Variants in PIGU observed in about 807,000 individuals in gnomAD.
The protein encoded by PIGU is GPI-anchor transamidase component PIGU.
Under a neutral mutation model 49.9 loss-of-function variants are expected in PIGU, and 24 were observed. The observed-to-expected ratio is 0.48, with a 90% CI of 0.35 to 0.68. PIGU has a LOEUF of 0.68. Among genes scored for constraint, PIGU ranks in the 30% least tolerant of loss-of-function variants. PIGU has a pLI of 0.01. For missense variants in PIGU, 490 were observed against 532.6 expected (o/e 0.92, Z 0.79); for synonymous variants, 220 against 205.7 (o/e 1.07, Z -0.59).
intron 6 of PIGU, among the ~76,000 whole-genome samples, chr20:34,634,108 G>A (rs987548734): frequency 1.9e-4 from 29 of 152,082 alleles, no homozygotes; most frequent in African/African-American, 6.8e-4. Flanking sequence ...GTCTTACTCT[G>A]TCACCCAGGC....
chr20:34,600,416 G>C lies in PIGU; in HGVS notation c.628-11809C>G, dbSNP rs911299355. Among the ~76,000 whole-genome samples the C allele has an allele frequency of 3.3e-5, 5 of 151,112 alleles. No homozygotes were observed. In the East Asian group the frequency reaches 9.8e-4, roughly 29 times the overall value. On this transcript the variant is annotated intron_variant, in intron 7 of 11. Coordinates refer to ENST00000217446, the MANE Select transcript of PIGU (RefSeq NM_080476.5). ...AGAAAAAAGAGAAGAGAAGAGAAGAGAGAAAAGAAAAGAAAAAAGAGAAAA... is the reference window on the plus strand; with the variant it reads ...AGAAAAAAGAGAAGAGAAGAGAAGACAGAAAAGAAAAGAAAAAAGAGAAAA...
At position 34,631,721 on chromosome 20, in the gene PIGU, CCA is replaced by C. The variant is rs1568649122; in HGVS notation, c.529+2892_529+2893del. On this transcript the variant is annotated intron_variant, in intron 6 of 11. Transcript: ENST00000217446. ...GGTGCCAGCCACCATGTCCGGCTAA[CCA>C]TATATATATATATATATATATATAT... Among the ~76,000 whole-genome samples the C allele has an allele frequency of 3.1e-3, 141 of 46,146 alleles. 7 individuals carry two copies. The highest frequency in any genetic ancestry group is 8.0e-3 in the African/African-American group (132 of 16,468). 30.3% of individuals were successfully genotyped at this position (46,146 alleles called of 152,430 possible). A position where few individuals can be genotyped will look rare whatever the true frequency, so the allele number is the denominator to read the frequency against.
At chr20:34,591,619 A>C (rs1026470888) in intron 7 of PIGU, among the ~76,000 whole-genome samples, 4 of 152,226 alleles carry the variant, frequency 2.6e-5, no homozygotes, top group Non-Finnish European at 5.9e-5. Flanking sequence ...ATAACGTAAA[A>C]TAAATTAGAA....
At chr20:34,619,807 C>T (rs1600634286) in intron 6 of PIGU, among the ~76,000 whole-genome samples, 1 of 152,208 alleles carries the variant, frequency 6.6e-6, no homozygotes, top group Admixed American at 6.5e-5. Context: ...AGCAGTCTTC[C>T]TTCCATAGAC....
chr20:34,592,414 G>T (rs955273481), intron 7 of PIGU, among the ~76,000 whole-genome samples: 1 of 146,498 alleles, frequency 6.8e-6, no homozygotes, highest in Non-Finnish European at 1.5e-5. Context: ...TGTTATTGAT[G>T]GCTTTCTAAT....
intron 6 of PIGU, among the ~76,000 whole-genome samples, chr20:34,633,775 T>A (rs1470692718): frequency 6.6e-6 from 1 of 152,070 alleles, no homozygotes; most frequent in East Asian, 1.9e-4. Context: ...TTCACCATGT[T>A]GGCAAGACTG....
intron 7 of PIGU, among the ~76,000 whole-genome samples, chr20:34,596,167 A>G (rs528073583): frequency 6.6e-6 from 1 of 152,346 alleles, no homozygotes; most frequent in African/African-American, 2.4e-5. Flanking sequence ...CACTGAGGAC[A>G]CAATATGCAT....
chr20:34,579,755 C>T (rs1983384264), intron 10 of PIGU, among the ~76,000 whole-genome samples: 1 of 152,132 alleles, frequency 6.6e-6, no homozygotes, highest in South Asian at 2.1e-4. Context: ...TTCTGGAAAC[C>T]CCATCCTTCT....
chr20:34,567,946 C>G (rs188702846), intron 11 of PIGU, among the ~76,000 whole-genome samples: 1 of 152,128 alleles, frequency 6.6e-6, no homozygotes, highest in Non-Finnish European at 1.5e-5. Flanking sequence ...CCTTAACAGC[C>G]CAGCTCTGGG....
intron 1 of PIGU, among the ~76,000 whole-genome samples, chr20:34,668,815 A>G (rs1987204910): frequency 6.6e-6 from 1 of 150,644 alleles, no homozygotes; most frequent in Admixed American, 6.6e-5. Flanking sequence ...AAAATGCAAT[A>G]TGGAATATTA....
intron 7 of PIGU, among the ~76,000 whole-genome samples, chr20:34,614,105 G>A (rs929434292): frequency 2.0e-5 from 3 of 152,124 alleles, no homozygotes; most frequent in Non-Finnish European, 4.4e-5. Flanking sequence ...AGAGCAGCCT[G>A]AGCAACATGG....
At chr20:34,633,787 T>C (rs1406698838) in intron 6 of PIGU, among the ~76,000 whole-genome samples, 1 of 152,034 alleles carries the variant, frequency 6.6e-6, no homozygotes, top group Admixed American at 6.6e-5. Context: ...GCAAGACTGG[T>C]CAAACTCCTG....
At chr20:34,644,304 T>G in intron 3 of PIGU, 78 bp from the exon 4 acceptor site, 1 of 1,232,360 alleles carries the variant, frequency 8.1e-7, no homozygotes, top group Admixed American at 1.7e-5. Context: ...GGGCTTGGAG[T>G]TTTGAGATAG....
At chr20:34,621,343 G>T (rs1985217503) in intron 6 of PIGU, among the ~76,000 whole-genome samples, 3 of 152,094 alleles carry the variant, frequency 2.0e-5, no homozygotes, top group Non-Finnish European at 4.4e-5. Flanking sequence ...CACAGGCAAA[G>T]CACAAAATAA....
At chr20:34,615,775 G>C (rs1984981251) in intron 7 of PIGU, among the ~76,000 whole-genome samples, 1 of 152,096 alleles carries the variant, frequency 6.6e-6, no homozygotes, top group Admixed American at 6.6e-5. Context: ...TATACGTAGG[G>C]TTCAGTACCA....
intron 7 of PIGU, among the ~76,000 whole-genome samples, chr20:34,592,449 A>G (rs1325057220): frequency 6.6e-6 from 1 of 151,656 alleles, no homozygotes; most frequent in African/African-American, 2.4e-5. Context: ...AAAAAAAAAA[A>G]AAGAGAGACG....
At chr20:34,668,512 C>T (rs1987188616) in intron 1 of PIGU, among the ~76,000 whole-genome samples, 2 of 142,928 alleles carry the variant, frequency 1.4e-5, no homozygotes. Flanking sequence ...GGCTCACACC[C>T]GTAATCCCAG....
chr20:34,675,180 G>A (rs6087615), intron 1 of PIGU, among the ~76,000 whole-genome samples: 57,842 of 148,344 alleles, frequency 0.39, 11,671 homozygotes, highest in Admixed American at 0.56. Context: ...CCCAGGGGGC[G>A]GAGGTTATGG....
chr20:34,604,564 C>T (rs557421957), intron 7 of PIGU, among the ~76,000 whole-genome samples: 5 of 152,230 alleles, frequency 3.3e-5, no homozygotes, highest in Admixed American at 2.0e-4. Context: ...CAAAAAGAAA[C>T]AAAGCTAACA....
Sources: allele counts gnomAD v4.1 joint callset (sites outside exome capture counted in the v4.1 genomes callset), GRCh38; gene constraint gnomAD v4.1.1; transcripts MANE v1.5; gene names NCBI Gene and HGNC (gene_info 2026-07-23, HGNC 2026-07-21).